ZNF461: variants seen among roughly 807,000 people sequenced by gnomAD.
The protein encoded by ZNF461 is gonadotropin-inducible ovarian transcription factor-1.
A neutral mutation model predicts 18.3 loss-of-function variants in ZNF461; 16 were observed. The ratio of observed to expected loss-of-function variants is 0.88; its 90% CI spans 0.59 to 1.33. The LOEUF (loss-of-function observed/expected upper bound fraction) is 1.33. Ranked by LOEUF, ZNF461 falls within the 40% of genes most tolerant of loss-of-function variation. ZNF461 has a pLI of 0.00. For missense variants in ZNF461, 595 were observed against 669.9 expected (o/e 0.89, Z 1.23); for synonymous variants, 179 against 216.9 (o/e 0.83, Z 1.54).
At chr19:36,646,339 C>G (rs1373303521) in intron 4 of ZNF461, among the ~76,000 whole-genome samples, 2 of 152,016 alleles carry the variant, frequency 1.3e-5, no homozygotes, top group Non-Finnish European at 2.9e-5. Context: ...ACCATGTTAC[C>G]CAGGCAGGTC....
At chr19:36,649,369 C>A (rs544053999) in intron 4 of ZNF461, among the ~76,000 whole-genome samples, 1 of 151,978 alleles carries the variant, frequency 6.6e-6, no homozygotes, top group South Asian at 2.1e-4. Context: ...TCACTCTTGG[C>A]GCCCAGGCTG....
chr19:36,664,755 T>C lies in ZNF461; in HGVS notation c.-49A>G. 1 of 1,404,062 alleles carries C rather than the reference T, an allele frequency of 7.1e-7. No individual in the cohort carries two copies. The highest frequency in any genetic ancestry group is 9.4e-7 in the Non-Finnish European group (1 of 1,064,766). 87.0% of individuals were successfully genotyped at this position (1,404,062 alleles called of 1,614,324 possible). On this transcript the variant is annotated 5_prime_UTR_variant, in exon 2 of 6. Transcript: ENST00000588268. ...TTATTTAATCCTCTTCTTCGTTCCC[T>C]CTGGAAGAAACTCAATCCAAAGAAG...
At chr19:36,649,409 C>T (rs913176257) in intron 4 of ZNF461, among the ~76,000 whole-genome samples, 1 of 152,138 alleles carries the variant, frequency 6.6e-6, no homozygotes, top group African/African-American at 2.4e-5. Context: ...TGGCTCACTG[C>T]AACCTCTGCC....
chr19:36,641,308 T>C (rs1252287749), intron 5 of ZNF461, among the ~76,000 whole-genome samples: 1 of 152,068 alleles, frequency 6.6e-6, no homozygotes, highest in Non-Finnish European at 1.5e-5. Context: ...TCACTTGAGG[T>C]CAGGCATTGG....
At chr19:36,663,338 C>G (rs1486866017) in intron 2 of ZNF461, among the ~76,000 whole-genome samples, 1 of 152,038 alleles carries the variant, frequency 6.6e-6, no homozygotes, top group African/African-American at 2.4e-5. Flanking sequence ...ATTCTATTTG[C>G]CTGGTATAGT....
chr19:36,643,111 T>C (rs1208451044), intron 5 of ZNF461, among the ~76,000 whole-genome samples: 1 of 149,770 alleles, frequency 6.7e-6, no homozygotes, highest in East Asian at 1.9e-4. Flanking sequence ...TACACATACT[T>C]ATTTATGTAC....
intron 4 of ZNF461, among the ~76,000 whole-genome samples, chr19:36,649,393 T>C (rs2037586436): frequency 1.3e-5 from 2 of 152,166 alleles, no homozygotes; most frequent in South Asian, 4.2e-4. Context: ...TGCAATGGCA[T>C]AATCTTGGCT....
chr19:36,654,375 T>C lies in ZNF461; in HGVS notation c.232+2073A>G, dbSNP rs59942286. On this transcript the variant is annotated intron_variant, in intron 4 of 5. Transcript: ENST00000588268. ...TCACAGTTCTGTAGCACTTGATTGA[T>C]TGATTGATTGAGACAGGGTCTTGCT... is the stretch of plus-strand genomic sequence containing the variant. Among the ~76,000 whole-genome samples the C allele has an allele frequency of 1.0e-2, 1,517 of 152,196 alleles. 31 individuals are homozygous for C. The highest frequency in any genetic ancestry group is 0.034 in the African/African-American group (1,430 of 41,518).
Position 36,652,500 on chromosome 19 carries a change from CA to C in ZNF461, c.232+3947del, listed in dbSNP as rs74174423. Among the ~76,000 whole-genome samples, 844 of 92,034 alleles carry C rather than the reference CA, an allele frequency of 9.2e-3. 17 individuals are homozygous for C. Among genetic ancestry groups the C allele is most frequent in the Admixed American group, 0.061 (482 of 7,896 alleles). 60.4% of individuals were successfully genotyped at this position (92,034 alleles called of 152,430 possible). On this transcript the variant is annotated intron_variant, in intron 4 of 5. Transcript: ENST00000588268. The stretch of plus-strand genomic sequence containing the variant: ...TGGGTGACAGAGCAAGACTCCGTCT[CA>C]AAAAAAAAAAAAACAAAAACTATAA...
intron 4 of ZNF461, among the ~76,000 whole-genome samples, chr19:36,644,760 AT>A (rs1363528521): frequency 7.5e-5 from 11 of 147,106 alleles, no homozygotes; most frequent in Admixed American, 6.1e-4. Context: ...ACATCGGCTA[AT>A]TTTTTTTGTA....
chr19:36,645,401 C>T (rs1011914059), intron 4 of ZNF461, among the ~76,000 whole-genome samples: 19 of 152,156 alleles, frequency 1.2e-4, no homozygotes, highest in African/African-American at 4.6e-4. Context: ...TCTTAGCATA[C>T]AGCACCAATG....
At position 36,639,376 on chromosome 19, in the gene ZNF461, A is replaced by G. The variant is rs2037372955; in HGVS notation, c.969T>C (p.His323=). ...TACATTCATAGGGTTTTTCACCAGT[A>G]TGAAGTCTCTGATGTTGAGTAAGCT... is the stretch of plus-strand genomic sequence containing the variant. The part of the protein sequence containing the change: ...RSQLTQHQRL[H]TGEKPYECKQ... The change falls in exon 6 of 6, where the codon CAT becomes CAC. Residue 323 remains histidine, a synonymous_variant. Transcript: ENST00000588268. 1 of 1,613,964 alleles carries G rather than the reference A, an allele frequency of 6.2e-7. No homozygotes were observed. The highest frequency in any genetic ancestry group is 1.1e-5 in the South Asian group (1 of 91,076).
chr19:36,640,752 G>A (rs1403692860), intron 5 of ZNF461, among the ~76,000 whole-genome samples: 4 of 152,106 alleles, frequency 2.6e-5, no homozygotes, highest in Admixed American at 6.6e-5. Context: ...ATTTTAATGC[G>A]AGAGAAAATT....
chr19:36,653,376 A>T (rs768983039), intron 4 of ZNF461, among the ~76,000 whole-genome samples: 1 of 152,352 alleles, frequency 6.6e-6, no homozygotes, highest in Non-Finnish European at 1.5e-5. Flanking sequence ...GTATTGCAGG[A>T]TTCTATTTAT....
At chr19:36,647,718 G>A (rs986955962) in intron 4 of ZNF461, among the ~76,000 whole-genome samples, 5 of 152,076 alleles carry the variant, frequency 3.3e-5, no homozygotes, top group Admixed American at 2.0e-4. Flanking sequence ...GATATAGCTC[G>A]GATATGTGTC....
intron 2 of ZNF461, among the ~76,000 whole-genome samples, chr19:36,661,013 C>T (rs143169375): frequency 4.6e-4 from 70 of 152,150 alleles, no homozygotes; most frequent in African/African-American, 1.4e-3. Context: ...TTGTGTCTGG[C>T]GCAGTGGCTC....
chr19:36,666,098 T>G (rs1010394792), intron 1 of ZNF461, among the ~76,000 whole-genome samples: 4 of 151,302 alleles, frequency 2.6e-5, no homozygotes, highest in African/African-American at 4.9e-5. Context: ...TTTTTTTGTT[T>G]TTTTTTTTTT....
intron 5 of ZNF461, among the ~76,000 whole-genome samples, chr19:36,640,981 T>C (rs1175686731): frequency 6.6e-6 from 1 of 152,160 alleles, no homozygotes; most frequent in Admixed American, 6.6e-5. Flanking sequence ...TTCCTTTTTA[T>C]TCATTAAGCT....
At chr19:36,648,110 T>C (rs1485371039) in intron 4 of ZNF461, among the ~76,000 whole-genome samples, 3 of 151,440 alleles carry the variant, frequency 2.0e-5, no homozygotes, top group South Asian at 2.1e-4. Flanking sequence ...GAAACCGAGG[T>C]GGAGGTTGCA....
Sources: allele counts gnomAD v4.1 joint callset (sites outside exome capture counted in the v4.1 genomes callset), GRCh38; gene constraint gnomAD v4.1.1; transcripts MANE v1.5; gene names NCBI Gene and HGNC (gene_info 2026-07-23, HGNC 2026-07-21).